Variants in FERMT3 observed in about 807,000 individuals in gnomAD.
FERMT3 encodes fermitin family homolog 3.
In FERMT3, 33 loss-of-function variants were observed where a neutral mutation model predicts 80.8. That is an observed-to-expected ratio of 0.41 (90% confidence interval 0.31 to 0.55). The LOEUF (loss-of-function observed/expected upper bound fraction) is 0.55, where lower values mean the gene tolerates loss of function less well. Among genes scored for constraint, FERMT3 ranks in the 20% least tolerant of loss-of-function variants. The probability of loss-of-function intolerance (pLI) is 0.31; values close to 1 mark genes in which losing one functional copy is unlikely to be tolerated. For missense variants in FERMT3, 754 were observed against 908.7 expected (o/e 0.83, Z 2.19); for synonymous variants, 375 against 372.2 (o/e 1.01, Z -0.09).
chr11:64,210,778 C>G lies in FERMT3; in HGVS notation c.328C>G (p.Leu110Val), dbSNP rs754671599. Residue 110 changes from leucine (L) to valine (V), a missense_variant, in exon 3 of 15, where the codon CTG becomes GTG. Physicochemically the swap from Leu to Val is conservative, Grantham distance 32. Transcript: ENST00000345728. This position sits in a 1 kb window ranked among gnomAD's most constrained non-coding sequence, Gnocchi z 4.3. Reference sequence around the variant, plus strand: ...CCTTCGGTTGCCCAACCGCCGCGCACTGCGCCTCCGTGCCAGCTTCTCCCA... The same window carrying G: ...CCTTCGGTTGCCCAACCGCCGCGCAGTGCGCCTCCGTGCCAGCTTCTCCCA... ...VILRLPNRRA[L>V]RLRASFSQPL... 4 of 1,614,096 alleles carry G rather than the reference C, an allele frequency of 2.5e-6. No individual in the cohort carries two copies. Among genetic ancestry groups the G allele is most frequent in the Non-Finnish European group, 3.4e-6 (4 of 1,180,008 alleles).
At chr11:64,217,770 G>A (rs1024116060) in intron 6 of FERMT3, among the ~76,000 whole-genome samples, 5 of 151,998 alleles carry the variant, frequency 3.3e-5, no homozygotes, top group South Asian at 2.1e-4. Context: ...GCTCACCCTC[G>A]CATCTCATCC....
chr11:64,211,607 C>A lies in FERMT3; in HGVS notation c.684-38C>A, dbSNP rs1186681616. ...CCCCCTCCCCACCCCACGGCCGTAC[C>A]TGGCGCAGCCCTGACTGCTGCTTCT... On this transcript the variant is annotated intron_variant, in intron 5 of 14. Transcript: ENST00000345728. This position sits in a 1 kb window ranked among gnomAD's most constrained non-coding sequence, Gnocchi z 4.7. The A allele has an allele frequency of 6.2e-7, 1 of 1,606,788 alleles. No homozygotes were observed. Among genetic ancestry groups the A allele is most frequent in the Non-Finnish European group, 8.5e-7 (1 of 1,176,990 alleles).
intron 13 of FERMT3, among the ~76,000 whole-genome samples, chr11:64,221,459 G>A (rs1479831509): frequency 1.3e-5 from 2 of 151,690 alleles, no homozygotes; most frequent in Admixed American, 6.6e-5. Flanking sequence ...AAAGTCCCTC[G>A]TCTCTACAAA....
intron 6 of FERMT3, among the ~76,000 whole-genome samples, chr11:64,217,096 G>C (rs574924378): frequency 1.3e-5 from 2 of 152,124 alleles, no homozygotes; most frequent in Non-Finnish European, 2.9e-5. Flanking sequence ...CGATGGGGCC[G>C]GGCTGCCACT....
At position 64,214,806 on chromosome 11, in the gene FERMT3, G is replaced by T. The variant is rs1324519669; in HGVS notation, c.786+3059G>T. Among the ~76,000 whole-genome samples the T allele has an allele frequency of 6.4e-5, 9 of 140,368 alleles. No homozygotes were observed. The East Asian group carries it at 1.4e-3, about 22-fold the overall frequency. The allele number at this position is 140,368 out of a possible 152,430, so 92.1% of individuals were successfully genotyped here. On this transcript the variant is annotated intron_variant, in intron 6 of 14. Transcript: ENST00000345728. The stretch of plus-strand genomic sequence containing the variant: ...TGTTTTTTGAGTGTTCTTTTATAGG[G>T]TTTTTTTTTTTTTGAGAGGGAGTTT...
chr11:64,208,541 G>A (rs572114899), intron 2 of FERMT3, among the ~76,000 whole-genome samples: 1 of 152,330 alleles, frequency 6.6e-6, no homozygotes, highest in East Asian at 1.9e-4. Context: ...CAGCCTGGCC[G>A]CCCCGGGCCA....
At chr11:64,222,998 C>T in intron 13 of FERMT3, 50 bp from the exon 14 acceptor site, 2 of 1,610,712 alleles carry the variant, frequency 1.2e-6, no homozygotes, top group African/African-American at 1.3e-5. Flanking sequence ...TGGGCGGGCT[C>T]TGGCCATGCA....
Position 64,219,666 on chromosome 11 carries a change from G to C in FERMT3, c.1029+8G>C. The C allele has an allele frequency of 6.2e-7, 1 of 1,613,818 alleles. No individual in the cohort carries two copies. The highest frequency in any genetic ancestry group is 8.5e-7 in the Non-Finnish European group (1 of 1,180,000). ...GCGCCCACAGATGTGCTGGTGAGGA[G>C]GGGCTCAGGGCAGGGGCTGGGCAGG... On this transcript the variant is annotated splice_region_variant and intron_variant, in intron 8 of 14. Transcript: ENST00000345728. The surrounding 1 kb of genome is among the most constrained non-coding windows in gnomAD (Gnocchi z 4.0).
intron 2 of FERMT3, chr11:64,207,754 G>A (rs1031514180): frequency 1.5e-5 from 8 of 541,554 alleles, no homozygotes; most frequent in African/African-American, 7.7e-5. Context: ...AGGATCAGAC[G>A]CAGCCACAAT....
upstream of FERMT3, chr11:64,206,585 CTGGGGACAAAGG>C (rs1453757984): frequency 1.0e-4 from 16 of 152,550 alleles, no homozygotes; most frequent in African/African-American, 3.9e-4. Context: ...CCTGTGCTCT[CTGGGGACAAAGG>C]TGGGGGGGCC....
Position 64,219,996 on chromosome 11 carries a change from TCAG to T in FERMT3, c.1190_1192del (p.Gln397del). On this transcript the variant is annotated inframe_deletion, in exon 10 of 15. Coordinates refer to ENST00000345728, the MANE Select transcript of FERMT3 (RefSeq NM_031471.6). This position sits in a 1 kb window ranked among gnomAD's most constrained non-coding sequence, Gnocchi z 4.0. ...AGGACGAGGCCCCTGGGGACCCCAT[TCAG>T]CAGCTCAACCTCAAGGGTAAGTGCA... The T allele has an allele frequency of 1.9e-6, 3 of 1,613,558 alleles. No individual in the cohort carries two copies. The highest frequency in any genetic ancestry group is 2.5e-6 in the Non-Finnish European group (3 of 1,179,946).
rs748191376 is a variant in FERMT3 at position 64,219,237 on chromosome 11, T to TC, written c.787-8dup. 109 of 1,570,002 alleles carry TC rather than the reference T, an allele frequency of 6.9e-5. No individual in the cohort carries two copies. The highest frequency in any genetic ancestry group is 8.4e-5 in the Non-Finnish European group (97 of 1,158,438). ...GACCAGCCCAGCCTCCAGCCTCCTC[T>TC]CCCCCCGCTCCAGACAGACCCCGTG... On this transcript the variant is annotated splice_polypyrimidine_tract_variant and intron_variant, in intron 6 of 14. Coordinates refer to ENST00000345728, the MANE Select transcript of FERMT3 (RefSeq NM_031471.6). The surrounding 1 kb of genome is among the most constrained non-coding windows in gnomAD (Gnocchi z 4.0).
intron 10 of FERMT3, 56 bp downstream of exon 10, chr11:64,220,071 G>T: frequency 3.1e-6 from 5 of 1,606,938 alleles, no homozygotes; most frequent in Non-Finnish European, 4.3e-6. Flanking sequence ...GGGCTAGGCA[G>T]GTGAATGCTC....
At position 64,211,241 on chromosome 11, in the gene FERMT3, G is replaced by A. The variant is rs772228981; in HGVS notation, c.515-34G>A. ...CGGCCCGTGAGTCCCAGCCCTGGGG[G>A]ACAGGCCTGGTTGACTCCCAACCTG... On this transcript the variant is annotated intron_variant, in intron 4 of 14. Coordinates refer to ENST00000345728, the MANE Select transcript of FERMT3 (RefSeq NM_031471.6). This position sits in a 1 kb window ranked among gnomAD's most constrained non-coding sequence, Gnocchi z 4.7. The A allele has an allele frequency of 4.3e-6, 7 of 1,612,114 alleles. No homozygotes were observed. Among genetic ancestry groups the A allele is most frequent in the Non-Finnish European group, 5.9e-6 (7 of 1,179,680 alleles).
rs1385818405 is a variant in FERMT3, at chr11:64,211,196, G to A, written c.514+25G>A. The A allele has an allele frequency of 2.6e-6, 4 of 1,566,222 alleles. No individual in the cohort carries two copies. Among genetic ancestry groups the A allele is most frequent in the Middle Eastern group, 2.0e-4 (1 of 5,072 alleles). ...GGTGAGTGCAAGTGGGGGTGGGCCT[G>A]GGGGGTTGGGGGCAGGGGCCGGCCC... On this transcript the variant is annotated intron_variant, in intron 4 of 14. Transcript: ENST00000345728. The surrounding 1 kb of genome is among the most constrained non-coding windows in gnomAD (Gnocchi z 4.7).
At position 64,223,158 on chromosome 11, in the gene FERMT3, G is replaced by A. The variant is rs773398261; in HGVS notation, c.1781G>A (p.Arg594His). The A allele has an allele frequency of 1.9e-6, 3 of 1,613,872 alleles. No individual in the cohort carries two copies. Among genetic ancestry groups the A allele is most frequent in the Admixed American group, 1.7e-5 (1 of 60,024 alleles). Residue 594 changes from arginine (R) to histidine (H), a missense_variant, in exon 14 of 15, where the codon CGC (arginine) becomes CAC (histidine). Coordinates refer to ENST00000345728, the MANE Select transcript of FERMT3 (RefSeq NM_031471.6). ...VVKTWRFSNM[R>H]QWNVNWDIRQ... ...AAGACCTGGCGTTTCAGCAACATGCGCCAGTGGAATGTCAACTGGGACATC... is the reference window on the plus strand; with the variant it reads ...AAGACCTGGCGTTTCAGCAACATGCACCAGTGGAATGTCAACTGGGACATC...
rs1419089645 is a variant in FERMT3, at chr11:64,211,859, C to T, written c.786+112C>T. 1.3e-5 allele frequency: 13 copies of T among 1,022,820 alleles called. No homozygotes were observed. Among genetic ancestry groups the T allele is most frequent in the Admixed American group, 1.9e-5 (1 of 51,318 alleles). 63.4% of individuals were successfully genotyped at this position (1,022,820 alleles called of 1,614,324 possible). The stretch of plus-strand genomic sequence containing the variant: ...ACTTGTAGTGGCCTGTCCGTCTGCC[C>T]GTTTGTCCATCCACACCTTTGTTTA... On this transcript the variant is annotated intron_variant, in intron 6 of 14. Coordinates refer to ENST00000345728, the MANE Select transcript of FERMT3 (RefSeq NM_031471.6). The surrounding 1 kb of genome is among the most constrained non-coding windows in gnomAD (Gnocchi z 4.7).
Position 64,223,834 on chromosome 11 carries a change from T to G in FERMT3, c.*342T>G. 1.5e-6 allele frequency: 2 copies of G among 1,355,596 alleles called. No individual in the cohort carries two copies. Among genetic ancestry groups the G allele is most frequent in the Non-Finnish European group, 2.0e-6 (2 of 987,278 alleles). 84.0% of individuals were successfully genotyped at this position (1,355,596 alleles called of 1,614,324 possible). On this transcript the variant is annotated 3_prime_UTR_variant, in exon 15 of 15. Coordinates refer to ENST00000345728, the MANE Select transcript of FERMT3 (RefSeq NM_031471.6). ...TGAAACATGGTTTCAAACGAGTTCT[T>G]TCTTGTTACTTTTTAAAATTTCTTT...
Position 64,219,934 on chromosome 11 carries a change from G to C in FERMT3, c.1123G>C (p.Val375Leu), listed in dbSNP as rs1160463246. 2.5e-6 allele frequency: 4 copies of C among 1,613,782 alleles called. No individual in the cohort carries two copies. Among genetic ancestry groups the C allele is most frequent in the South Asian group, 1.1e-5 (1 of 91,090 alleles). Reference protein sequence around the residue: ...TLKGYRQHWVVFKETTLSYYK... With the variant: ...TLKGYRQHWVLFKETTLSYYK... ...GAAGGGCTACCGCCAACACTGGGTG[G>C]TGTTCAAGGAGACCACACTGTCCTA... The change falls in exon 10 of 15, where the codon GTG becomes CTG. Residue 375 changes from valine (V) to leucine (L), a missense_variant. Transcript: ENST00000345728. The surrounding 1 kb of genome is among the most constrained non-coding windows in gnomAD (Gnocchi z 4.0).
Sources: allele counts gnomAD v4.1 joint callset (sites outside exome capture counted in the v4.1 genomes callset), GRCh38; gene constraint gnomAD v4.1.1; non-coding constraint Gnocchi (gnomAD v3.1); transcripts MANE v1.5; gene names NCBI Gene and HGNC (gene_info 2026-07-23, HGNC 2026-07-21).